PCDHB4: variants seen among roughly 807,000 people sequenced by gnomAD.
PCDHB4 encodes the protein protocadherin beta 4.
For missense variants in PCDHB4, 1,063 were observed against 1,007.0 expected (o/e 1.06, Z -0.75); for synonymous variants, 482 against 447.3 (o/e 1.08, Z -0.98).
rs1240542538 is a variant in PCDHB4, at chr5:141,123,121, G to A, written c.1123G>A (p.Gly375Arg). Residue 375 changes from glycine to arginine, a missense_variant, in exon 1 of 1, where the codon GGA (glycine) becomes AGA (arginine). By Grantham distance (125) the Gly-to-Arg change is moderately radical. Coordinates refer to ENST00000194152, the MANE Select transcript of PCDHB4 (RefSeq NM_018938.4). ...CTTCCGAATTCGAGATAGAGATTCCGGAGAAAATGGAAAGATGATTTGCTC... is the reference window on the plus strand; with the variant it reads ...CTTCCGAATTCGAGATAGAGATTCCAGAGAAAATGGAAAGATGATTTGCTC... ...SIFRIRDRDS[G>R]ENGKMICSIP... 3.7e-6 allele frequency: 6 copies of A among 1,613,802 alleles called. No individual in the cohort carries two copies. Among genetic ancestry groups the A allele is most frequent in the East Asian group, 4.5e-5 (2 of 44,880 alleles).
chr5:141,123,749 T>G lies in PCDHB4; in HGVS notation c.1751T>G (p.Leu584Arg). 6.2e-7 allele frequency: 1 copy of G among 1,610,522 alleles called. No homozygotes were observed. The highest frequency in any genetic ancestry group is 8.5e-7 in the Non-Finnish European group (1 of 1,179,630). ...LVPRAAEPGY[L>R]VTKVVAVDGD... ...CCCCGGGCGGCCGAGCCGGGCTACC[T>G]GGTGACCAAGGTGGTGGCGGTGGAC... The change falls in exon 1 of 1, where the codon CTG becomes CGG. Residue 584 changes from leucine to arginine, a missense_variant. Coordinates refer to ENST00000194152, the MANE Select transcript of PCDHB4 (RefSeq NM_018938.4).
chr5:141,124,506 A>C lies in PCDHB4; in HGVS notation c.*120A>C. ...TCATACCACAATTTCAAACCTACTCATGTCCCTGATAAAGCTAAATTTGTC... is the reference window on the plus strand; with the variant it reads ...TCATACCACAATTTCAAACCTACTCCTGTCCCTGATAAAGCTAAATTTGTC... On this transcript the variant is annotated 3_prime_UTR_variant, in exon 1 of 1. Coordinates refer to ENST00000194152, the MANE Select transcript of PCDHB4 (RefSeq NM_018938.4). 1 of 855,634 alleles carries C rather than the reference A, an allele frequency of 1.2e-6. No homozygotes were observed. Among genetic ancestry groups the C allele is most frequent in the Non-Finnish European group, 1.7e-6 (1 of 572,426 alleles). 53.0% of individuals were successfully genotyped at this position (855,634 alleles called of 1,614,324 possible). A position where few individuals can be genotyped will look rare whatever the true frequency, so the allele number is the denominator to read the frequency against.
chr5:141,123,564 C>T lies in PCDHB4; in HGVS notation c.1566C>T (p.Ala522=), dbSNP rs1300299268. The change falls in exon 1 of 1, where the codon GCC becomes GCT. Residue 522 remains alanine (A), a synonymous_variant. Coordinates refer to ENST00000194152, the MANE Select transcript of PCDHB4 (RefSeq NM_018938.4). ...LFALRSLDYE[A]LQAFEFRVGA... The stretch of plus-strand genomic sequence containing the variant: ...CCCTCAGGTCGCTGGACTACGAGGC[C>T]CTGCAGGCGTTCGAGTTCCGCGTGG... 5.0e-6 allele frequency: 8 copies of T among 1,612,888 alleles called. No homozygotes were observed. Among genetic ancestry groups the T allele is most frequent in the Middle Eastern group, 1.9e-4 (1 of 5,162 alleles).
chr5:141,122,095 T>C lies in PCDHB4; in HGVS notation c.97T>C (p.Ser33Pro), dbSNP rs1554274276. 1.2e-6 allele frequency: 2 copies of C among 1,614,202 alleles called. No individual in the cohort carries two copies. The change falls in exon 1 of 1, where the codon TCT (serine) becomes CCT (proline). Residue 33 changes from serine (S) to proline (P), a missense_variant. By Grantham distance (74) the Ser-to-Pro change is moderately conservative (BLOSUM62 -1). Coordinates refer to ENST00000194152, the MANE Select transcript of PCDHB4 (RefSeq NM_018938.4). ...GGTTCGCCTCGAGCCTATTCGTTAT[T>C]CTGTGTTGGAGGAAACAGAGAGCGG... The part of the protein sequence containing the change: ...SQVRLEPIRY[S>P]VLEETESGSF...
chr5:141,123,366 C>T lies in PCDHB4; in HGVS notation c.1368C>T (p.Thr456=), dbSNP rs552429677. The T allele has an allele frequency of 2.5e-6, 4 of 1,613,984 alleles. No individual in the cohort carries two copies. The highest frequency in any genetic ancestry group is 3.4e-6 in the Non-Finnish European group (4 of 1,180,038). The change falls in exon 1 of 1, where the codon ACC becomes ACT. Residue 456 remains threonine (T), a synonymous_variant. Coordinates refer to ENST00000194152, the MANE Select transcript of PCDHB4 (RefSeq NM_018938.4). ...NAPAFTQTSY[T]LFVRENNSPA... ...CCGCCTTCACCCAAACCTCCTACACCCTGTTCGTCCGCGAGAACAACAGCC... is the reference window on the plus strand; with the variant it reads ...CCGCCTTCACCCAAACCTCCTACACTCTGTTCGTCCGCGAGAACAACAGCC...
rs782765392 is a variant in PCDHB4, at chr5:141,123,915, C to G, written c.1917C>G (p.Leu639=). The part of the protein sequence containing the change: ...LSERDAAKHR[L]VVLVKDNGEP... ...AGCGCGACGCAGCCAAGCACAGGCT[C>G]GTGGTGCTTGTCAAGGACAATGGCG... Residue 639 remains leucine (L), a synonymous_variant, in exon 1 of 1, where the codon CTC becomes CTG. Coordinates refer to ENST00000194152, the MANE Select transcript of PCDHB4 (RefSeq NM_018938.4). The G allele has an allele frequency of 2.6e-4, 416 of 1,605,800 alleles. No individual in the cohort carries two copies. Among genetic ancestry groups the G allele is most frequent in the East Asian group, 6.7e-4 (30 of 44,868 alleles).
Position 141,123,676 on chromosome 5 carries a change from G to T in PCDHB4, c.1678G>T (p.Val560Leu), listed in dbSNP as rs375748767. The T allele has an allele frequency of 2.4e-4, 381 of 1,611,362 alleles. 1 individual carries two copies. Among genetic ancestry groups the T allele is most frequent in the Middle Eastern group, 1.8e-3 (8 of 4,462 alleles). Residue 560 changes from valine (V) to leucine (L), a missense_variant, in exon 1 of 1, where the codon GTG (valine) becomes TTG (leucine). By Grantham distance (32) the Val-to-Leu change is conservative (BLOSUM62 1). Coordinates refer to ENST00000194152, the MANE Select transcript of PCDHB4 (RefSeq NM_018938.4). ...GGACACCAACGACAACTCGCCCTTC[G>T]TGCTGTACCCGCTGCAGAATGGCTC... is the stretch of plus-strand genomic sequence containing the variant. ...VLDTNDNSPFVLYPLQNGSAP... is the reference protein window; with the variant it reads ...VLDTNDNSPFLLYPLQNGSAP...
rs540619871 is a variant in PCDHB4, at chr5:141,123,496, G to T, written c.1498G>T (p.Ala500Ser). 3.7e-6 allele frequency: 6 copies of T among 1,613,108 alleles called. No homozygotes were observed. The highest frequency in any genetic ancestry group is 1.7e-5 in the Admixed American group (1 of 60,008). ...GCCCCAGGACCCGCACCTGCCCCTC[G>T]CCTCCCTGGTCTCCATCAACGCAGA... ...LPPQDPHLPL[A>S]SLVSINADNG... Residue 500 changes from alanine (A) to serine (S), a missense_variant, in exon 1 of 1, where the codon GCC becomes TCC. By Grantham distance (99) the Ala-to-Ser change is moderately conservative. Coordinates refer to ENST00000194152, the MANE Select transcript of PCDHB4 (RefSeq NM_018938.4).
In PCDHB4 at chr5:141,122,757, C is replaced by G. The variant is rs1554274391; in HGVS notation, c.759C>G (p.Asn253Lys). 6.2e-7 allele frequency: 1 copy of G among 1,614,140 alleles called. No individual in the cohort carries two copies. Among genetic ancestry groups the G allele is most frequent in the East Asian group, 2.2e-5 (1 of 44,878 alleles). ...CATATGGGGTGCAGGTCCTGGAAAACAGCCCCCTAGACTCTCCAATTGTTA... is the reference window on the plus strand; with the variant it reads ...CATATGGGGTGCAGGTCCTGGAAAAGAGCCCCCTAGACTCTCCAATTGTTA... Reference protein sequence around the residue: ...HTPYGVQVLENSPLDSPIVRV... With the variant: ...HTPYGVQVLEKSPLDSPIVRV... The change falls in exon 1 of 1, where the codon AAC becomes AAG. Residue 253 changes from asparagine (N) to lysine (K), a missense_variant. Physicochemically the swap from Asn to Lys is moderately conservative, Grantham distance 94. Transcript: ENST00000194152.
rs1554274362 is a variant in PCDHB4 at position 141,122,508 on chromosome 5, A to T, written c.510A>T (p.Thr170=). The T allele has an allele frequency of 6.2e-7, 1 of 1,614,226 alleles. No individual in the cohort carries two copies. The highest frequency in any genetic ancestry group is 8.5e-7 in the Non-Finnish European group (1 of 1,180,044). ...GCAGCAATGGTCTTCAAAAATACAC[A>T]ATCAGCCCCAATTCTCATTTTCACA... ...DVGSNGLQKY[T]ISPNSHFHIL... is the part of the protein sequence containing the mutation. The change falls in exon 1 of 1, where the codon ACA becomes ACT. Residue 170 remains threonine, a synonymous_variant. Coordinates refer to ENST00000194152, the MANE Select transcript of PCDHB4 (RefSeq NM_018938.4).
In PCDHB4 at chr5:141,122,485, A is replaced by T. The variant is rs149602339; in HGVS notation, c.487A>T (p.Ser163Cys). The T allele has an allele frequency of 1.9e-6, 3 of 1,614,130 alleles. No homozygotes were observed. In the African/African-American group the frequency reaches 4.0e-5, roughly 22 times the overall value. Reference protein sequence around the residue: ...LLIAEDLDVGSNGLQKYTISP... With the variant: ...LLIAEDLDVGCNGLQKYTISP... ...AATAGCTGAGGATTTGGATGTGGGC[A>T]GCAATGGTCTTCAAAAATACACAAT... The change falls in exon 1 of 1, where the codon AGC becomes TGC. Residue 163 changes from serine to cysteine, a missense_variant. Coordinates refer to ENST00000194152, the MANE Select transcript of PCDHB4 (RefSeq NM_018938.4).
rs1230886544 is a variant in PCDHB4 at position 141,124,855 on chromosome 5, A to G, written c.*469A>G. ...CTTGTCCTTTCTGGTTGACTATACT[A>G]GGCTAAGCCCTCTTAATAGCCATGA... On this transcript the variant is annotated 3_prime_UTR_variant, in exon 1 of 1. Coordinates refer to ENST00000194152, the MANE Select transcript of PCDHB4 (RefSeq NM_018938.4). 1 of 153,288 alleles carries G rather than the reference A, an allele frequency of 6.5e-6. No homozygotes were observed. The highest frequency in any genetic ancestry group is 1.5e-5 in the Non-Finnish European group (1 of 68,836). The allele number at this position is 153,288 out of a possible 1,614,324, so 9.5% of individuals were successfully genotyped here.
At position 141,122,492 on chromosome 5, in the gene PCDHB4, G is replaced by A; in HGVS notation, c.494G>A (p.Gly165Asp). Residue 165 changes from glycine (G) to aspartate (D), a missense_variant, in exon 1 of 1, where the codon GGT (glycine) becomes GAT (aspartate). Transcript: ENST00000194152. ...GAGGATTTGGATGTGGGCAGCAATGGTCTTCAAAAATACACAATCAGCCCC... is the reference window on the plus strand; with the variant it reads ...GAGGATTTGGATGTGGGCAGCAATGATCTTCAAAAATACACAATCAGCCCC... ...IAEDLDVGSNGLQKYTISPNS... is the reference protein window; with the variant it reads ...IAEDLDVGSNDLQKYTISPNS... The A allele has an allele frequency of 6.2e-7, 1 of 1,614,190 alleles. No individual in the cohort carries two copies. Among genetic ancestry groups the A allele is most frequent in the Non-Finnish European group, 8.5e-7 (1 of 1,180,046 alleles).
chr5:141,122,217 T>G lies in PCDHB4; in HGVS notation c.219T>G (p.Arg73=), dbSNP rs1200243191. 3 of 1,614,016 alleles carry G rather than the reference T, an allele frequency of 1.9e-6. No individual in the cohort carries two copies. Among genetic ancestry groups the G allele is most frequent in the Non-Finnish European group, 1.7e-6 (2 of 1,180,038 alleles). The change falls in exon 1 of 1, where the codon CGT becomes CGG. Residue 73 remains arginine, a synonymous_variant. Coordinates refer to ENST00000194152, the MANE Select transcript of PCDHB4 (RefSeq NM_018938.4). ...ARVLSDDDKQ[R]LQLDRQTGDL... ...TGCTGTCTGACGATGACAAGCAGCG[T>G]TTGCAGCTGGATCGTCAGACTGGAG...
In PCDHB4 at chr5:141,122,923, G is replaced by A. The variant is rs1554274440; in HGVS notation, c.925G>A (p.Glu309Lys). The change falls in exon 1 of 1, where the codon GAA becomes AAA. Residue 309 changes from glutamate (E) to lysine (K), a missense_variant. Glu to Lys is a moderately conservative substitution (Grantham distance 56). Coordinates refer to ENST00000194152, the MANE Select transcript of PCDHB4 (RefSeq NM_018938.4). ...ACTGTTGAAAAAAAAATTGGATTTC[G>A]AAAAAATTAAATCTTACCATGTAGA... ...EILLKKKLDF[E>K]KIKSYHVEIE... is the part of the protein sequence containing the mutation. The A allele has an allele frequency of 3.1e-6, 5 of 1,608,954 alleles. No individual in the cohort carries two copies. The highest frequency in any genetic ancestry group is 3.4e-6 in the Non-Finnish European group (4 of 1,178,674).
Position 141,125,160 on chromosome 5 carries a change from C to T in PCDHB4, c.*774C>T, listed in dbSNP as rs1027625005. 4.6e-5 allele frequency: 7 copies of T among 152,012 alleles called. 1 individual carries two copies. The East Asian group carries it at 1.3e-3, about 29-fold the overall frequency. The allele number at this position is 152,012 out of a possible 1,614,324, so 9.4% of individuals were successfully genotyped here. ...AATAAATAAAACTGTTAAATCATGG[C>T]CTGATATCATCTTAAAAAAAAATCT... is the stretch of plus-strand genomic sequence containing the variant. On this transcript the variant is annotated 3_prime_UTR_variant, in exon 1 of 1. Transcript: ENST00000194152.
Position 141,122,913 on chromosome 5 carries a change from A to G in PCDHB4, c.915A>G (p.Lys305=), listed in dbSNP as rs1554274438. ...EVTGEILLKK[K]LDFEKIKSYH... ...CGGGAGAAATACTGTTGAAAAAAAA[A>G]TTGGATTTCGAAAAAATTAAATCTT... The change falls in exon 1 of 1, where the codon AAA becomes AAG. Residue 305 remains lysine, a synonymous_variant. Coordinates refer to ENST00000194152, the MANE Select transcript of PCDHB4 (RefSeq NM_018938.4). The G allele has an allele frequency of 6.2e-7, 1 of 1,609,012 alleles. No individual in the cohort carries two copies. Among genetic ancestry groups the G allele is most frequent in the Non-Finnish European group, 8.5e-7 (1 of 1,178,704 alleles).
Position 141,122,086 on chromosome 5 carries a change from A to G in PCDHB4, c.88A>G (p.Ile30Val). The G allele has an allele frequency of 6.2e-7, 1 of 1,614,092 alleles. No homozygotes were observed. The highest frequency in any genetic ancestry group is 8.5e-7 in the Non-Finnish European group (1 of 1,180,012). Reference protein sequence around the residue: ...VFLSQVRLEPIRYSVLEETES... With the variant: ...VFLSQVRLEPVRYSVLEETES... ...CTTGTCTCAGGTTCGCCTCGAGCCT[A>G]TTCGTTATTCTGTGTTGGAGGAAAC... is the stretch of plus-strand genomic sequence containing the variant. The change falls in exon 1 of 1, where the codon ATT becomes GTT. Residue 30 changes from isoleucine to valine, a missense_variant. Physicochemically the swap from Ile to Val is conservative, Grantham distance 29. Transcript: ENST00000194152.
In PCDHB4 at chr5:141,123,616, T is replaced by G. The variant is rs1554274579; in HGVS notation, c.1618T>G (p.Leu540Val). 1.2e-6 allele frequency: 2 copies of G among 1,612,084 alleles called. No homozygotes were observed. Among genetic ancestry groups the G allele is most frequent in the Non-Finnish European group, 1.7e-6 (2 of 1,179,778 alleles). Residue 540 changes from leucine to valine, a missense_variant, in exon 1 of 1, where the codon TTG becomes GTG. Leu to Val is a conservative substitution (Grantham distance 32). Coordinates refer to ENST00000194152, the MANE Select transcript of PCDHB4 (RefSeq NM_018938.4). ...VGASDRGSPALSSEALVRVLV... is the reference protein window; with the variant it reads ...VGASDRGSPAVSSEALVRVLV... ...CGCCTCAGACCGCGGTTCTCCGGCT[T>G]TGAGCAGCGAGGCGCTGGTGCGCGT...
Sources: allele counts gnomAD v4.1 joint callset, GRCh38; gene constraint gnomAD v4.1.1; transcripts MANE v1.5; gene names NCBI Gene and HGNC (gene_info 2026-07-23, HGNC 2026-07-21).